CDK19: variants seen among roughly 807,000 people sequenced by gnomAD.
CDK19 encodes cyclin-dependent kinase 19.
CDK19 carries 20 observed loss-of-function variants against 68.3 expected under a neutral mutation model. The observed-to-expected ratio is 0.29, with a 90% CI of 0.21 to 0.43. The LOEUF is 0.43. CDK19 is among the 20% of genes least tolerant of loss of function. The pLI is 1.00. For synonymous variants in CDK19, 221 were observed against 222.8 expected (o/e 0.99, Z 0.07); for missense variants, 339 against 623.5 (o/e 0.54, Z 4.86).
chr6:110,810,089 A>C (rs1016066021), intron 1 of CDK19, among the ~76,000 whole-genome samples: 3 of 152,212 alleles, frequency 2.0e-5, no homozygotes, highest in African/African-American at 7.2e-5. Context: ...GAAAGGACTT[A>C]AGTACCAGAA....
chr6:110,784,602 G>A (rs981965175), intron 1 of CDK19, among the ~76,000 whole-genome samples: 2 of 152,086 alleles, frequency 1.3e-5, no homozygotes, highest in African/African-American at 4.8e-5. Flanking sequence ...AACATCAACA[G>A]CTAACATATT....
chr6:110,646,690 T>C (rs1780610041), intron 4 of CDK19: 1 of 447,394 alleles, frequency 2.2e-6, no homozygotes, highest in East Asian at 3.5e-5. Context: ...TGGGAATTTC[T>C]GGAATCTCGT....
At chr6:110,650,965 T>G (rs964944614) in intron 4 of CDK19, among the ~76,000 whole-genome samples, 9 of 152,064 alleles carry the variant, frequency 5.9e-5, no homozygotes, top group African/African-American at 9.7e-5. Context: ...AAGGGCAAGG[T>G]CAAGGTCATG....
chr6:110,710,515 C>T (rs1184408504), intron 2 of CDK19, among the ~76,000 whole-genome samples: 1 of 152,160 alleles, frequency 6.6e-6, no homozygotes, highest in Non-Finnish European at 1.5e-5. Context: ...TGGCAAATTA[C>T]CATAGAACGG....
chr6:110,775,842 G>A (rs146006125), intron 1 of CDK19, among the ~76,000 whole-genome samples: 4 of 152,288 alleles, frequency 2.6e-5, no homozygotes, highest in Non-Finnish European at 4.4e-5. Context: ...CTTAAAATCT[G>A]ATGACACGTC....
intron 12 of CDK19, among the ~76,000 whole-genome samples, chr6:110,620,145 G>T (rs1778613455): frequency 6.6e-6 from 1 of 152,028 alleles, no homozygotes; most frequent in Non-Finnish European, 1.5e-5. Flanking sequence ...GGGATATTCT[G>T]AAGAGAAGTT....
intron 5 of CDK19, among the ~76,000 whole-genome samples, chr6:110,636,357 G>A (rs1779776173): frequency 6.6e-6 from 1 of 152,230 alleles, no homozygotes; most frequent in African/African-American, 2.4e-5. Flanking sequence ...TCCTAAAGAA[G>A]TAATTTTAGA....
chr6:110,620,538 T>C (rs1387858254), intron 12 of CDK19, among the ~76,000 whole-genome samples: 1 of 152,200 alleles, frequency 6.6e-6, no homozygotes, highest in Non-Finnish European at 1.5e-5. Context: ...ATCCTTAGAC[T>C]TAGCTCCTTT....
At chr6:110,679,068 G>A (rs1395962150) in intron 2 of CDK19, among the ~76,000 whole-genome samples, 1 of 152,136 alleles carries the variant, frequency 6.6e-6, no homozygotes, top group African/African-American at 2.4e-5. Flanking sequence ...CAGCACTTTG[G>A]GAGGCCAAGG....
At chr6:110,807,399 C>T (rs1013568843) in intron 1 of CDK19, among the ~76,000 whole-genome samples, 3 of 152,144 alleles carry the variant, frequency 2.0e-5, no homozygotes, top group Non-Finnish European at 2.9e-5. Flanking sequence ...AGAATGACTG[C>T]CCCTAAAAAA....
chr6:110,746,080 C>A (rs762527081), intron 2 of CDK19, 46 bp downstream of exon 2: 26 of 933,386 alleles, frequency 2.8e-5, no homozygotes, highest in Non-Finnish European at 4.0e-5. Context: ...TAAATCATCA[C>A]CCAATATCAA....
At chr6:110,812,992 G>A (rs1783227505) in intron 1 of CDK19, among the ~76,000 whole-genome samples, 1 of 150,458 alleles carries the variant, frequency 6.6e-6, no homozygotes, top group Admixed American at 6.6e-5. Context: ...CTTTATTACG[G>A]TTTTTCTTAT....
chr6:110,701,429 G>A (rs1259721186), intron 2 of CDK19, among the ~76,000 whole-genome samples: 2 of 150,644 alleles, frequency 1.3e-5, no homozygotes, highest in Non-Finnish European at 3.0e-5. Flanking sequence ...GCGGGCGCCA[G>A]TAGTTATAGC....
At chr6:110,719,198 T>C (rs2114730695) in intron 2 of CDK19, among the ~76,000 whole-genome samples, 1 of 152,218 alleles carries the variant, frequency 6.6e-6, no homozygotes, top group South Asian at 2.1e-4. Context: ...CAGAAATAAT[T>C]CTAGGCCAGG....
At chr6:110,792,095 C>T (rs943782834) in intron 1 of CDK19, among the ~76,000 whole-genome samples, 4 of 151,708 alleles carry the variant, frequency 2.6e-5, no homozygotes, top group Middle Eastern at 3.2e-3. Flanking sequence ...CTCACCCTCC[C>T]AAGTAGCTGG....
At position 110,815,400 on chromosome 6, in the gene CDK19, C is replaced by T. The variant is rs537283224; in HGVS notation, c.-264G>A. On this transcript the variant is annotated 5_prime_UTR_variant, in exon 1 of 13. Transcript: ENST00000368911. Reference sequence around the variant, plus strand: ...CAGGCACCCCCAGTCCCGCCTCCCTCCTTCATTTCCTTGTTTTGGAACCTG... The same window carrying T: ...CAGGCACCCCCAGTCCCGCCTCCCTTCTTCATTTCCTTGTTTTGGAACCTG... 36 of 326,772 alleles carry T rather than the reference C, an allele frequency of 1.1e-4. No homozygotes were observed. The highest frequency in any genetic ancestry group is 7.7e-4 in the Admixed American group (15 of 19,440). 20.2% of individuals were successfully genotyped at this position (326,772 alleles called of 1,614,324 possible).
intron 2 of CDK19, among the ~76,000 whole-genome samples, chr6:110,708,311 T>G (rs1286142693): frequency 6.6e-6 from 1 of 152,184 alleles, no homozygotes; most frequent in Non-Finnish European, 1.5e-5. Context: ...CACTTCAGCC[T>G]GATATTGGAG....
At chr6:110,661,195 A>G (rs1051544078) in intron 4 of CDK19, among the ~76,000 whole-genome samples, 1 of 152,242 alleles carries the variant, frequency 6.6e-6, no homozygotes, top group Admixed American at 6.5e-5. Context: ...CTTACAATGG[A>G]TCAATGTACT....
intron 6 of CDK19, among the ~76,000 whole-genome samples, chr6:110,628,067 C>T (rs993889607): frequency 1.3e-4 from 20 of 151,986 alleles, no homozygotes; most frequent in African/African-American, 4.8e-4. Flanking sequence ...AAAAATTAGC[C>T]GGGTGTGGTG....
Sources: allele counts gnomAD v4.1 joint callset (sites outside exome capture counted in the v4.1 genomes callset), GRCh38; gene constraint gnomAD v4.1.1; transcripts MANE v1.5; gene names NCBI Gene and HGNC (gene_info 2026-07-23, HGNC 2026-07-21).